DLG2: variants seen among roughly 807,000 people sequenced by gnomAD.
The protein encoded by DLG2 is disks large homolog 2.
Under a neutral mutation model 132.5 loss-of-function variants are expected in DLG2, and 45 were observed. The ratio of observed to expected loss-of-function variants is 0.34; its 90% confidence interval spans 0.27 to 0.44. DLG2 has a LOEUF of 0.44. DLG2 is among the 20% of genes least tolerant of loss of function. The pLI, the probability that DLG2 is intolerant of heterozygous loss-of-function variation, is 1.00. For missense variants in DLG2, 1,045 were observed against 1,196.9 expected (o/e 0.87, Z 1.87); for synonymous variants, 424 against 419.6 (o/e 1.01, Z -0.13).
intron 6 of DLG2, among the ~76,000 whole-genome samples, chr11:85,024,488 G>A (rs540368527): frequency 6.6e-6 from 1 of 152,278 alleles, no homozygotes; most frequent in East Asian, 1.9e-4. Context: ...CTAGAAATTT[G>A]CATAAATGCA....
chr11:83,935,594 C>T (rs990886291), intron 14 of DLG2, among the ~76,000 whole-genome samples: 15 of 152,180 alleles, frequency 9.9e-5, no homozygotes, highest in Admixed American at 5.9e-4. Flanking sequence ...AGAACCTATT[C>T]GCTCCCCTAA....
intron 19 of DLG2, among the ~76,000 whole-genome samples, chr11:83,555,360 G>A (rs569514753): frequency 1.7e-4 from 26 of 152,294 alleles, no homozygotes; most frequent in African/African-American, 5.3e-4. Flanking sequence ...GATTTACATC[G>A]AAAACAGATC....
chr11:84,206,804 A>G (rs2096672248), intron 8 of DLG2, among the ~76,000 whole-genome samples: 1 of 151,982 alleles, frequency 6.6e-6, no homozygotes, highest in Non-Finnish European at 1.5e-5. Flanking sequence ...TTGGGGAATA[A>G]TGCATAAAAA....
chr11:85,434,292 A>C (rs2091353670), intron 3 of DLG2, among the ~76,000 whole-genome samples: 1 of 152,124 alleles, frequency 6.6e-6, no homozygotes, highest in South Asian at 2.1e-4. Context: ...CAAATTCGAA[A>C]GCTAGCAGAA....
At chr11:85,611,285 G>A (rs2080981699) in intron 2 of DLG2, among the ~76,000 whole-genome samples, 1 of 152,238 alleles carries the variant, frequency 6.6e-6, no homozygotes, top group South Asian at 2.1e-4. Flanking sequence ...TACTCATGAT[G>A]TAAATGGCAT....
intron 6 of DLG2, among the ~76,000 whole-genome samples, chr11:84,902,694 G>A (rs1335671048): frequency 6.6e-6 from 1 of 152,270 alleles, no homozygotes; most frequent in East Asian, 1.9e-4. Context: ...CACCAGAGAT[G>A]CAGACTGGCA....
chr11:83,753,196 G>C (rs1434796369), intron 18 of DLG2, among the ~76,000 whole-genome samples: 1 of 152,192 alleles, frequency 6.6e-6, no homozygotes, highest in Non-Finnish European at 1.5e-5. Flanking sequence ...GCTGAGGCGG[G>C]TGGATCACTT....
chr11:83,473,219 T>C (rs2092277413), intron 22 of DLG2, among the ~76,000 whole-genome samples: 1 of 152,172 alleles, frequency 6.6e-6, no homozygotes, highest in Admixed American at 6.6e-5. Context: ...AAAGCAAGTA[T>C]ATGCTTATTT....
At chr11:85,445,430 C>T (rs1454632395) in intron 3 of DLG2, among the ~76,000 whole-genome samples, 1 of 152,168 alleles carries the variant, frequency 6.6e-6, no homozygotes, top group Non-Finnish European at 1.5e-5. Context: ...GTAATCCCAG[C>T]ACTTTGGGTG....
rs929876427 is a variant in DLG2, at chr11:85,515,754, C to T, written c.40+82903G>A. On this transcript the variant is annotated intron_variant, in intron 3 of 27. Coordinates refer to ENST00000376104, the MANE Select transcript of DLG2 (RefSeq NM_001142699.3). The stretch of plus-strand genomic sequence containing the variant: ...CTATCCTGTTTGCTAGGTTCTCATT[C>T]ATATAGTAGAAATTTGTGAGGTTTT... Among the ~76,000 whole-genome samples, 15 of 152,024 alleles carry T rather than the reference C, an allele frequency of 9.9e-5. No homozygotes were observed. The Middle Eastern group carries it at 0.014, about 138-fold the overall frequency.
intron 19 of DLG2, among the ~76,000 whole-genome samples, chr11:83,552,910 T>G (rs1257913740): frequency 1.3e-5 from 2 of 152,246 alleles, no homozygotes; most frequent in Non-Finnish European, 2.9e-5. Context: ...CCTGAATCTA[T>G]CAAGAGAAGG....
At chr11:84,783,219 C>T (rs769250373) in intron 6 of DLG2, among the ~76,000 whole-genome samples, 16 of 152,250 alleles carry the variant, frequency 1.1e-4, no homozygotes, top group Middle Eastern at 3.4e-3. Flanking sequence ...GATTTGAAGT[C>T]GTTGGCTCAG....
intron 21 of DLG2, among the ~76,000 whole-genome samples, chr11:83,499,170 A>G (rs1464709634): frequency 2.0e-5 from 3 of 152,188 alleles, no homozygotes; most frequent in Non-Finnish European, 4.4e-5. Flanking sequence ...GTTTTCTAAA[A>G]GATAGAAGAG....
intron 21 of DLG2, among the ~76,000 whole-genome samples, chr11:83,493,336 TTTCCTTCCTTCC>T (rs201830272): frequency 0.12 from 15,553 of 131,768 alleles, 1,049 homozygotes; most frequent in Non-Finnish European, 0.13. Flanking sequence ...CTTTTCTTTC[TTTCCTTCCTTCC>T]TTCCTTCCTT....
chr11:83,797,658 A>G (rs1441974163), intron 17 of DLG2, among the ~76,000 whole-genome samples: 4 of 152,188 alleles, frequency 2.6e-5, no homozygotes, highest in African/African-American at 9.6e-5. Flanking sequence ...AGCTGGGACT[A>G]CAGGCACTCG....
intron 7 of DLG2, among the ~76,000 whole-genome samples, chr11:84,327,676 T>G (rs1179317232): frequency 6.6e-6 from 1 of 152,348 alleles, no homozygotes; most frequent in African/African-American, 2.4e-5. Context: ...TAACTTAACT[T>G]CAATTGCATA....
intron 17 of DLG2, among the ~76,000 whole-genome samples, chr11:83,804,783 G>T (rs542250883): frequency 2.4e-4 from 37 of 152,086 alleles, no homozygotes; most frequent in Non-Finnish European, 4.0e-4. Flanking sequence ...TTAATATATT[G>T]CACCTATTCA....
intron 6 of DLG2, among the ~76,000 whole-genome samples, chr11:85,009,515 A>G (rs777910378): frequency 6.6e-6 from 1 of 152,236 alleles, no homozygotes; most frequent in Non-Finnish European, 1.5e-5. Flanking sequence ...CAGACAAATA[A>G]GAGAAAAAGC....
chr11:83,917,088 T>A (rs1460868130), intron 15 of DLG2, among the ~76,000 whole-genome samples: 2 of 152,198 alleles, frequency 1.3e-5, no homozygotes, highest in Non-Finnish European at 2.9e-5. Flanking sequence ...GTGTTTTTCT[T>A]TCCATTTCTT....
Sources: allele counts gnomAD v4.1 joint callset (sites outside exome capture counted in the v4.1 genomes callset), GRCh38; gene constraint gnomAD v4.1.1; transcripts MANE v1.5; gene names NCBI Gene and HGNC (gene_info 2026-07-23, HGNC 2026-07-21).